Variants in SULT1A1 observed in about 807,000 individuals in gnomAD.
SULT1A1 encodes the protein sulfotransferase family 1A member 1.
SULT1A1 carries 35 observed loss-of-function variants against 36.8 expected under a neutral mutation model. The ratio of observed to expected loss-of-function variants is 0.95; its 90% CI spans 0.73 to 1.26. The LOEUF is 1.26. Ranked by LOEUF, SULT1A1 falls within the 50% of genes most tolerant of loss-of-function variation. The pLI is 0.00. For missense variants in SULT1A1, 309 were observed against 383.0 expected, an observed-to-expected ratio of 0.81 and a Z score of 1.61; for synonymous variants, 119 against 146.0, an observed-to-expected ratio of 0.82 and a Z score of 1.33.
upstream of SULT1A1, chr16:28,611,353 G>C (rs921107986): frequency 6.6e-6 from 1 of 152,088 alleles, no homozygotes; most frequent in African/African-American, 2.4e-5. Flanking sequence ...AGCTGGCTAC[G>C]ACCAACCAGA....
rs746371835 is a variant in SULT1A1, at chr16:28,608,406, G to A, written c.275-18C>T. 5 of 1,612,322 alleles carry A rather than the reference G, an allele frequency of 3.1e-6. No homozygotes were observed. The highest frequency in any genetic ancestry group is 4.2e-6 in the Non-Finnish European group (5 of 1,178,690). On this transcript the variant is annotated intron_variant, in intron 3 of 7. Transcript: ENST00000314752. ...CTCCATCCCTGAGCAGTGGGTCAGG[G>A]AAGGTCTGGTGAGCTGAAGCCCCAG...
In SULT1A1 at chr16:28,609,341, G is replaced by A. The variant is rs1387669899; in HGVS notation, c.-4-482C>T. On this transcript the variant is annotated intron_variant, in intron 1 of 7. Coordinates refer to ENST00000314752, the MANE Select transcript of SULT1A1 (RefSeq NM_001055.4). ...TCACATGTGGAAACCGCCCAGGCCAGCCAGGCCTGTGATCCACTTGCCTGG... is the reference window on the plus strand; with the variant it reads ...TCACATGTGGAAACCGCCCAGGCCAACCAGGCCTGTGATCCACTTGCCTGG... The A allele has an allele frequency of 9.3e-6, 12 of 1,290,118 alleles. 1 individual carries two copies. The African/African-American group carries it at 1.5e-4, about 16-fold the overall frequency. The allele number at this position is 1,290,118 out of a possible 1,614,324, so 79.9% of individuals were successfully genotyped here. A position where few individuals can be genotyped will look rare whatever the true frequency, so the allele number is the denominator to read the frequency against.
chr16:28,606,750 C>T lies in SULT1A1; in HGVS notation c.594+11G>A, dbSNP rs3020805. On this transcript the variant is annotated intron_variant, in intron 6 of 7. Coordinates refer to ENST00000314752, the MANE Select transcript of SULT1A1 (RefSeq NM_001055.4). ...GAGTCACATGGAGGGAAGCATCGCACGTGGTCTCACCTCCTTCATGTCTTC... is the reference window on the plus strand; with the variant it reads ...GAGTCACATGGAGGGAAGCATCGCATGTGGTCTCACCTCCTTCATGTCTTC... 5.6e-6 allele frequency: 9 copies of T among 1,609,858 alleles called. No homozygotes were observed. The highest frequency in any genetic ancestry group is 1.7e-5 in the Admixed American group (1 of 59,684).
intron 2 of SULT1A1, among the ~76,000 whole-genome samples, chr16:28,615,955 A>C (rs1042075668): frequency 2.6e-5 from 4 of 152,238 alleles, no homozygotes; most frequent in Admixed American, 2.6e-4. Flanking sequence ...TCAGGTGTAC[A>C]GGATGAAACA....
chr16:28,610,264 G>GTTTTTTT (rs538720119), upstream of SULT1A1: 483 of 349,312 alleles, frequency 1.4e-3, no homozygotes, highest in Admixed American at 2.2e-3. Context: ...TTTTTTTTCT[G>GTTTTTTT]TTTTTTTTTT....
chr16:28,606,351 A>G, intron 6 of SULT1A1, 115 bp from the exon 7 acceptor site: 1 of 1,552,870 alleles, frequency 6.4e-7, no homozygotes, highest in Middle Eastern at 1.7e-4. Flanking sequence ...GAAACCCTGC[A>G]GAGCCAACTC....
At chr16:28,623,210 T>G (rs1353695990) in exon 1 of SULT1A1, 2 of 1,543,662 alleles carry the variant, frequency 1.3e-6, no homozygotes, top group Non-Finnish European at 1.7e-6. Flanking sequence ...CGCGCGGCGC[T>G]CGGCCCGGGA....
chr16:28,608,739 A>G lies in SULT1A1; in HGVS notation c.117T>C (p.Asp39=), dbSNP rs2047328277. 1 of 1,612,996 alleles carries G rather than the reference A, an allele frequency of 6.2e-7. No individual in the cohort carries two copies. The highest frequency in any genetic ancestry group is 8.5e-7 in the Non-Finnish European group (1 of 1,179,382). The change falls in exon 2 of 8, where the codon GAT becomes GAC. Residue 39 remains aspartate, a synonymous_variant. Coordinates refer to ENST00000314752, the MANE Select transcript of SULT1A1 (RefSeq NM_001055.4). ...GPLQSFQARP[D]DLLISTYPKS... ...TGGGGTAGGTGCTGATGAGCAGGTCATCAGGCCGGGCCTGGAAGCTCTGCA... is the reference window on the plus strand; with the variant it reads ...TGGGGTAGGTGCTGATGAGCAGGTCGTCAGGCCGGGCCTGGAAGCTCTGCA...
chr16:28,610,251 G>GTTTTTTTTTGTGTT, upstream of SULT1A1: 1 of 583,970 alleles, frequency 1.7e-6, no homozygotes. Context: ...GTTTTTGTAG[G>GTTTTTTTTTGTGTT]TTTTTTTTTT....
At chr16:28,616,966 T>C (rs1272410033) in intron 2 of SULT1A1, among the ~76,000 whole-genome samples, 1 of 152,156 alleles carries the variant, frequency 6.6e-6, no homozygotes, top group Non-Finnish European at 1.5e-5. Context: ...CTTCTGCCCC[T>C]GGAATGACCT....
chr16:28,621,672 A>T (rs1488830930), intron 1 of SULT1A1, among the ~76,000 whole-genome samples: 3 of 152,094 alleles, frequency 2.0e-5, no homozygotes, highest in African/African-American at 7.2e-5. Context: ...CGCCGGGACC[A>T]GGCACAGACC....
chr16:28,610,011 G>C lies in SULT1A1; in HGVS notation c.-85C>G, dbSNP rs770597107. 2.7e-5 allele frequency: 35 copies of C among 1,284,972 alleles called. No individual in the cohort carries two copies. The South Asian group carries it at 3.7e-4, about 14-fold the overall frequency. 79.6% of individuals were successfully genotyped at this position (1,284,972 alleles called of 1,614,324 possible). ...GGTGTTGTGTGGGGAATGCAGGGTT[G>C]TTCTCTGAGCTGAGGGTTTCCTAGG... is the stretch of plus-strand genomic sequence containing the variant. On this transcript the variant is annotated 5_prime_UTR_variant, in exon 1 of 8. Coordinates refer to ENST00000314752, the MANE Select transcript of SULT1A1 (RefSeq NM_001055.4).
At chr16:28,621,365 C>A (rs2047649398) in intron 1 of SULT1A1, among the ~76,000 whole-genome samples, 1 of 150,350 alleles carries the variant, frequency 6.7e-6, no homozygotes, top group African/African-American at 2.4e-5. Flanking sequence ...ATCTGTAATG[C>A]CAGCTACTTG....
At chr16:28,620,806 CTA>C (rs1270829226) in intron 1 of SULT1A1, among the ~76,000 whole-genome samples, 1 of 151,952 alleles carries the variant, frequency 6.6e-6, no homozygotes, top group Non-Finnish European at 1.5e-5. Context: ...ATTTTAATTT[CTA>C]TCTTTTAAAA....
rs185665572 is a variant in SULT1A1 at position 28,617,548 on chromosome 16, T to C, written c.138+2515A>G. 4.0e-3 allele frequency among the ~76,000 whole-genome samples: 615 copies of C among 151,960 alleles called. 1 individual carries two copies. The highest frequency in any genetic ancestry group is 6.8e-3 in the Non-Finnish European group (461 of 67,950). On this transcript the variant is annotated intron_variant, in intron 2 of 5. Coordinates refer to the SULT1A1 transcript ENST00000350842. ...AAGACAGTTTCTTTTCTTTTCTTTT[T>C]TTTTTTCTTTTTGTGACGGAGTCTC...
chr16:28,610,836 G>A (rs1190736682), upstream of SULT1A1: 4 of 152,462 alleles, frequency 2.6e-5, no homozygotes, highest in South Asian at 2.1e-4. Flanking sequence ...CATCCTCCTC[G>A]TTCTTTATCC....
chr16:28,621,512 G>GAAA (rs1287157838), intron 1 of SULT1A1, among the ~76,000 whole-genome samples: 4 of 121,408 alleles, frequency 3.3e-5, no homozygotes, highest in Non-Finnish European at 7.0e-5. Context: ...AAAAAAAGAA[G>GAAA]AAGAAGAAGA....
intron 2 of SULT1A1, among the ~76,000 whole-genome samples, chr16:28,615,676 CAG>C (rs2047525826): frequency 6.6e-6 from 1 of 152,192 alleles, no homozygotes; most frequent in Admixed American, 6.5e-5. Flanking sequence ...CACCAATATG[CAG>C]AGACTGGTAG....
upstream of SULT1A1, chr16:28,610,320 C>G (rs1281311355): frequency 5.9e-6 from 5 of 852,826 alleles, no homozygotes; most frequent in East Asian, 6.4e-5. Context: ...CTGACCTGCC[C>G]CTGAACTCCA....
Sources: allele counts gnomAD v4.1 joint callset (sites outside exome capture counted in the v4.1 genomes callset), GRCh38; gene constraint gnomAD v4.1.1; transcripts MANE v1.5; gene names NCBI Gene and HGNC (gene_info 2026-07-23, HGNC 2026-07-21).